ZMYM2: variants seen among roughly 807,000 people sequenced by gnomAD.
The protein encoded by ZMYM2 is zinc finger MYM-type containing 2, also known as zinc finger MYM-type protein 2.
A neutral mutation model predicts 162.8 loss-of-function variants in ZMYM2; 56 were observed. The ratio of observed to expected loss-of-function variants is 0.34; its 90% CI spans 0.28 to 0.43. The LOEUF (loss-of-function observed/expected upper bound fraction) is 0.43. ZMYM2 is among the 20% of genes least tolerant of loss of function. ZMYM2 has a pLI of 1.00. For synonymous variants in ZMYM2, 510 were observed against 541.6 expected (o/e 0.94, Z 0.81); for missense variants, 1,275 against 1,621.8 (o/e 0.79, Z 3.67).
At chr13:20,004,712 C>CT (rs770782421) in intron 4 of ZMYM2, among the ~76,000 whole-genome samples, 5 of 152,174 alleles carry the variant, frequency 3.3e-5, no homozygotes, top group African/African-American at 7.2e-5. Context: ...TTACTTTCTA[C>CT]TTATCCAGGG....
At chr13:19,893,790 A>G in the ZMYM2 span, among the ~76,000 whole-genome samples, 1 of 151,798 alleles carries the variant, frequency 6.6e-6, no homozygotes, top group Non-Finnish European at 1.5e-5. Context: ...CAAAAGTATA[A>G]ACATAATATA....
chr13:20,019,339 A>G (rs1480223011), intron 6 of ZMYM2, among the ~76,000 whole-genome samples: 1 of 152,080 alleles, frequency 6.6e-6, no homozygotes, highest in Admixed American at 6.6e-5. Context: ...TCATCATACC[A>G]TTTTTTCTAA....
the ZMYM2 span, among the ~76,000 whole-genome samples, chr13:19,869,906 A>G: frequency 6.6e-6 from 1 of 152,226 alleles, no homozygotes; most frequent in African/African-American, 2.4e-5. Context: ...CAAATTACCT[A>G]AAAACTTAGT....
chr13:19,983,254 C>T (rs1030674526), intron 2 of ZMYM2, among the ~76,000 whole-genome samples: 1 of 151,742 alleles, frequency 6.6e-6, no homozygotes. Context: ...AAGCAGTTCT[C>T]CTGCCTCAGC....
chr13:19,863,906 C>A, the ZMYM2 span: 1 of 101,062 alleles, frequency 9.9e-6, no homozygotes, highest in African/African-American at 2.7e-5. Context: ...CTCCCGCCCC[C>A]AGCTACCGGG....
chr13:20,043,747 G>A (rs965508640), intron 12 of ZMYM2, among the ~76,000 whole-genome samples: 1 of 152,132 alleles, frequency 6.6e-6, no homozygotes, highest in South Asian at 2.1e-4. Context: ...GCAGGGCAGG[G>A]TGCACACACA....
intron 2 of ZMYM2, among the ~76,000 whole-genome samples, chr13:19,990,206 T>G (rs1949496629): frequency 6.6e-6 from 1 of 152,252 alleles, no homozygotes; most frequent in Admixed American, 6.5e-5. Context: ...TGATTACTGA[T>G]TTTTGCCATG....
the ZMYM2 span, among the ~76,000 whole-genome samples, chr13:19,937,054 G>A: frequency 2.6e-5 from 4 of 151,540 alleles, no homozygotes; most frequent in Non-Finnish European, 5.9e-5. Context: ...AAATTAGTAC[G>A]CAGCTTCAGT....
chr13:19,900,643 T>G, the ZMYM2 span, among the ~76,000 whole-genome samples: 1 of 152,170 alleles, frequency 6.6e-6, no homozygotes, highest in East Asian at 1.9e-4. Context: ...AAGAAAACTA[T>G]AGCTCAATAT....
Position 20,006,805 on chromosome 13 carries a change from G to T in ZMYM2, c.1512+219G>T, listed in dbSNP as rs116766035. On this transcript the variant is annotated intron_variant, in intron 6 of 24. Transcript: ENST00000610343. The stretch of plus-strand genomic sequence containing the variant: ...GGACCATCTGTATTTATTCATTTGA[G>T]GTAGGTCATTTCCGTGATATAATGA... Among the ~76,000 whole-genome samples, 507 of 152,226 alleles carry T rather than the reference G, an allele frequency of 3.3e-3. 3 individuals are homozygous for T. Among genetic ancestry groups the T allele is most frequent in the African/African-American group, 0.012 (478 of 41,520 alleles).
chr13:20,043,371 T>C (rs1954454110), intron 12 of ZMYM2, among the ~76,000 whole-genome samples: 1 of 152,078 alleles, frequency 6.6e-6, no homozygotes, highest in African/African-American at 2.4e-5. Flanking sequence ...TGCACACTTG[T>C]TGGCTGTGGT....
At position 20,051,329 on chromosome 13, in the gene ZMYM2, TGTATCA is replaced by T. The variant is rs139016494; in HGVS notation, c.2293-101_2293-96del. ...ATTTATATTATAGTTCTACTTTTTC[TGTATCA>T]GTCACGGTTTTATCACATTTGGCAA... On this transcript the variant is annotated intron_variant, in intron 12 of 24. Coordinates refer to ENST00000610343, the MANE Select transcript of ZMYM2 (RefSeq NM_197968.4). 75 of 1,131,258 alleles carry T rather than the reference TGTATCA, an allele frequency of 6.6e-5. No individual in the cohort carries two copies. The African/African-American group carries it at 1.2e-3, about 18-fold the overall frequency. The allele number at this position is 1,131,258 out of a possible 1,614,324, so 70.1% of individuals were successfully genotyped here.
At chr13:19,980,916 A>C (rs1027431866) in intron 2 of ZMYM2, among the ~76,000 whole-genome samples, 3 of 152,002 alleles carry the variant, frequency 2.0e-5, no homozygotes, top group Non-Finnish European at 2.9e-5. Flanking sequence ...ATGTTATTGA[A>C]TCTTGCTTTG....
intron 3 of ZMYM2, among the ~76,000 whole-genome samples, chr13:19,997,860 A>G (rs755726969): frequency 5.3e-5 from 8 of 152,150 alleles, no homozygotes; most frequent in Non-Finnish European, 8.8e-5. Context: ...AATTTTGTTC[A>G]TGTCAATATA....
the ZMYM2 span, among the ~76,000 whole-genome samples, chr13:19,887,092 G>C: frequency 6.6e-6 from 1 of 151,920 alleles, no homozygotes. Context: ...ATGTAATTTA[G>C]GGGGAAGACT....
chr13:19,938,085 C>T, the ZMYM2 span, among the ~76,000 whole-genome samples: 1 of 152,034 alleles, frequency 6.6e-6, no homozygotes, highest in Non-Finnish European at 1.5e-5. Flanking sequence ...AAGTCTTTGC[C>T]ATTGTGAATA....
the ZMYM2 span, among the ~76,000 whole-genome samples, chr13:19,937,690 A>C: frequency 6.6e-6 from 1 of 151,420 alleles, no homozygotes; most frequent in Non-Finnish European, 1.5e-5. Flanking sequence ...CACAACGTGC[A>C]GGTTTGTTAC....
chr13:19,937,741 A>T, the ZMYM2 span, among the ~76,000 whole-genome samples: 28 of 148,086 alleles, frequency 1.9e-4, no homozygotes, highest in Non-Finnish European at 3.6e-4. Context: ...GCACCCATTA[A>T]CTCGTCATTT....
At chr13:19,967,865 C>T (rs1024490116) in intron 2 of ZMYM2, among the ~76,000 whole-genome samples, 1 of 152,182 alleles carries the variant, frequency 6.6e-6, no homozygotes, top group Non-Finnish European at 1.5e-5. Context: ...CTGCCACCAC[C>T]TGGTATGGTA....
Sources: allele counts gnomAD v4.1 joint callset (sites outside exome capture counted in the v4.1 genomes callset), GRCh38; gene constraint gnomAD v4.1.1; transcripts MANE v1.5; gene names NCBI Gene and HGNC (gene_info 2026-07-23, HGNC 2026-07-21).